Variants in ZNF205 observed in about 807,000 individuals in gnomAD.
The protein encoded by ZNF205 is transcriptional repressor RHIT.
ZNF205 carries 32 observed loss-of-function variants against 53.6 expected under a neutral mutation model. The ratio of observed to expected loss-of-function variants is 0.60; its 90% confidence interval spans 0.45 to 0.80. The LOEUF (loss-of-function observed/expected upper bound fraction) is 0.80, where lower values mean the gene tolerates loss of function less well. Among genes scored for constraint, ZNF205 ranks in the 30% least tolerant of loss-of-function variants. The pLI is 0.00. For missense variants in ZNF205, 836 were observed against 782.4 expected (o/e 1.07, Z -0.82); for synonymous variants, 382 against 334.3 (o/e 1.14, Z -1.56).
chr16:3,115,394 A>G lies in ZNF205; in HGVS notation c.97A>G (p.Lys33Glu). 1.2e-6 allele frequency: 2 copies of G among 1,607,922 alleles called. No homozygotes were observed. The highest frequency in any genetic ancestry group is 3.4e-5 in the Admixed American group (2 of 59,062). ...ACATCCTCATCAGGAAATGCCTTCT[A>G]AGCTGGGGGAGGCGGTACCTTCAGG... ...RGHPHQEMPS[K>E]LGEAVPSGDT... is the part of the protein sequence containing the mutation. The change falls in exon 3 of 7, where the codon AAG (lysine) becomes GAG (glutamate). Residue 33 changes from lysine (K) to glutamate (E), a missense_variant. Transcript: ENST00000219091.
At chr16:3,117,751 C>T (rs1310427546) in intron 5 of ZNF205, among the ~76,000 whole-genome samples, 1 of 152,018 alleles carries the variant, frequency 6.6e-6, no homozygotes, top group Non-Finnish European at 1.5e-5. Context: ...CTGTGCCCAG[C>T]CATCCCAGAG....
chr16:3,115,743 G>A, intron 3 of ZNF205, 86 bp from the exon 4 acceptor site: 2 of 1,460,652 alleles, frequency 1.4e-6, no homozygotes, highest in Non-Finnish European at 1.9e-6. Flanking sequence ...CTTGGGTCGG[G>A]CCAGGGGTGG....
At chr16:3,113,765 C>T (rs1392168586) in intron 2 of ZNF205, among the ~76,000 whole-genome samples, 1 of 152,186 alleles carries the variant, frequency 6.6e-6, no homozygotes, top group Non-Finnish European at 1.5e-5. Context: ...GCTCAGAGCA[C>T]ACAGGGAAAC....
chr16:3,114,066 A>G (rs1596296403), intron 2 of ZNF205, among the ~76,000 whole-genome samples: 2 of 152,088 alleles, frequency 1.3e-5, no homozygotes, highest in South Asian at 2.1e-4. Context: ...TCGCAGGGTC[A>G]CTGGGAGGCT....
intron 2 of ZNF205, chr16:3,114,892 T>A (rs1158214029): frequency 6.6e-6 from 1 of 152,548 alleles, no homozygotes; most frequent in African/African-American, 2.4e-5. Flanking sequence ...CCTATTCTTA[T>A]AAGGACATAA....
At chr16:3,113,628 G>A in intron 2 of ZNF205, 141 bp downstream of exon 2, 1 of 877,784 alleles carries the variant, frequency 1.1e-6, no homozygotes, top group South Asian at 1.8e-5. Flanking sequence ...ATGCTGGGTA[G>A]TACCCTCTGT....
At chr16:3,115,297 A>G in intron 2 of ZNF205, 58 bp from the exon 3 acceptor site, 1 of 1,376,362 alleles carries the variant, frequency 7.3e-7, no homozygotes, top group South Asian at 1.8e-5. Flanking sequence ...GCGCACTGCC[A>G]TGTGGCCCTG....
intron 1 of ZNF205, 45 bp from the exon 2 acceptor site, chr16:3,113,372 G>C (rs1216438242): frequency 1.9e-6 from 3 of 1,598,802 alleles, no homozygotes; most frequent in East Asian, 4.5e-5. Flanking sequence ...AGCTGGAGGG[G>C]GCTTGGCCAA....
Position 3,119,400 on chromosome 16 carries a change from C to A in ZNF205, c.740C>A (p.Pro247Gln). Residue 247 changes from proline (P) to glutamine (Q), a missense_variant, in exon 7 of 7, where the codon CCG becomes CAG. Coordinates refer to ENST00000219091, the MANE Select transcript of ZNF205 (RefSeq NM_001042428.2). ...QEAACGRSSGPAKDSGQPAEP... is the reference protein window; with the variant it reads ...QEAACGRSSGQAKDSGQPAEP... ...GCAGCCTGCGGCCGGAGCTCAGGGC[C>A]GGCCAAAGACTCCGGGCAGCCGGCT... 6.2e-7 allele frequency: 1 copy of A among 1,610,000 alleles called. No homozygotes were observed. Among genetic ancestry groups the A allele is most frequent in the Non-Finnish European group, 8.5e-7 (1 of 1,178,816 alleles).
chr16:3,113,593 G>C (rs1189184141), intron 2 of ZNF205, 106 bp downstream of exon 2: 15 of 1,271,800 alleles, frequency 1.2e-5, no homozygotes, highest in Non-Finnish European at 1.3e-5. Flanking sequence ...ACTCACTGGG[G>C]TGGGGAGATC....
Position 3,118,977 on chromosome 16 carries a change from A to C in ZNF205, c.557A>C (p.Gln186Pro). Residue 186 changes from glutamine to proline, a missense_variant, in exon 6 of 7, where the codon CAG becomes CCG. Coordinates refer to ENST00000219091, the MANE Select transcript of ZNF205 (RefSeq NM_001042428.2). ...GGTGAGGCCTCGGGCTCCAGCCGGC[A>C]GGCAGGAGATGAGAAGGAGTGGAGA... ...GKGEASGSSR[Q>P]AGDEKEWRGA... 2 of 1,613,654 alleles carry C rather than the reference A, an allele frequency of 1.2e-6. No individual in the cohort carries two copies. The highest frequency in any genetic ancestry group is 1.7e-6 in the Non-Finnish European group (2 of 1,179,960).
rs779733371 is a variant in ZNF205, at chr16:3,119,626, C to A, written c.966C>A (p.His322Gln). 6.2e-7 allele frequency: 1 copy of A among 1,611,618 alleles called. No homozygotes were observed. Among genetic ancestry groups the A allele is most frequent in the South Asian group, 1.1e-5 (1 of 90,976 alleles). Residue 322 changes from histidine (H) to glutamine (Q), a missense_variant, in exon 7 of 7, where the codon CAC becomes CAA. Transcript: ENST00000219091. ...QCGKGFSWHS[H>Q]LVTHRRTHTG... ...GCAAGGGCTTCAGCTGGCACTCGCA[C>A]CTGGTGACGCACCGGCGCACGCACA...
At chr16:3,116,035 G>A (rs1307076959) in intron 4 of ZNF205, 115 bp downstream of exon 4, 1 of 1,149,082 alleles carries the variant, frequency 8.7e-7, no homozygotes, top group Non-Finnish European at 1.3e-6. Flanking sequence ...GAAGCCTGGG[G>A]CTCTTGCTAG....
rs558086377 is a variant in ZNF205, at chr16:3,119,353, C to T, written c.693C>T (p.Gly231=). 4.3e-6 allele frequency: 7 copies of T among 1,612,642 alleles called. No homozygotes were observed. Among genetic ancestry groups the T allele is most frequent in the Middle Eastern group, 1.6e-4 (1 of 6,068 alleles). Residue 231 remains glycine (G), a synonymous_variant, in exon 7 of 7, where the codon GGC becomes GGT. Transcript: ENST00000219091. ...FRTRAGRVQW[G]VPQCAQEAAC... is the part of the protein sequence containing the mutation. ...CCAGGGCAGGGAGAGTCCAGTGGGG[C>T]GTCCCGCAGTGCGCGCAGGAAGCAG...
rs1212199528 is a variant in ZNF205 at position 3,120,171 on chromosome 16, A to G, written c.1511A>G (p.Tyr504Cys). ...HQRTHRGVRP[Y>C]ACPLCGKSFS... is the part of the protein sequence containing the mutation. Reference sequence around the variant, plus strand: ...CGCACCCACCGTGGCGTGCGGCCCTACGCCTGCCCGTTGTGCGGCAAGAGC... The same window carrying G: ...CGCACCCACCGTGGCGTGCGGCCCTGCGCCTGCCCGTTGTGCGGCAAGAGC... Residue 504 changes from tyrosine (Y) to cysteine (C), a missense_variant, in exon 7 of 7, where the codon TAC (tyrosine) becomes TGC (cysteine). Coordinates refer to ENST00000219091, the MANE Select transcript of ZNF205 (RefSeq NM_001042428.2). 3 of 1,606,846 alleles carry G rather than the reference A, an allele frequency of 1.9e-6. No homozygotes were observed. Among genetic ancestry groups the G allele is most frequent in the Non-Finnish European group, 2.6e-6 (3 of 1,175,568 alleles).
Position 3,113,526 on chromosome 16 carries a change from G to C in ZNF205, c.57+39G>C, listed in dbSNP as rs190379512. The C allele has an allele frequency of 1.9e-6, 3 of 1,609,250 alleles. No individual in the cohort carries two copies. The East Asian group carries it at 6.7e-5, about 36-fold the overall frequency. ...TGGCTGAGGGAGGTGTGCGGTAGAA[G>C]AGGCTGGTGCGGAGGAGATTTTCAA... On this transcript the variant is annotated intron_variant, in intron 2 of 6. Transcript: ENST00000219091.
chr16:3,119,221 C>G, intron 6 of ZNF205, 35 bp from the exon 7 acceptor site: 1 of 1,545,754 alleles, frequency 6.5e-7, no homozygotes, highest in South Asian at 1.2e-5. Context: ...CTTAGGGAAG[C>G]TCGTCCCTAG....
rs1274098520 is a variant in ZNF205 at position 3,113,477 on chromosome 16, C to T, written c.47C>T (p.Thr16Ile). 6 of 1,613,420 alleles carry T rather than the reference C, an allele frequency of 3.7e-6. No homozygotes were observed. The African/African-American group carries it at 6.7e-5, about 18-fold the overall frequency. The change falls in exon 2 of 7, where the codon ACA becomes ATA. Residue 16 changes from threonine (T) to isoleucine (I), a missense_variant. By Grantham distance (89) the Thr-to-Ile change is moderately conservative. Transcript: ENST00000219091. ...ATCCAGGACACCCAGGACAAGGAGA[C>T]ACCCCCGGAGGTACAGATGGGGCTG... ...GGIQDTQDKETPPEVPDRGHP... is the reference protein window; with the variant it reads ...GGIQDTQDKEIPPEVPDRGHP...
At chr16:3,116,996 G>C (rs113617926) in intron 5 of ZNF205, among the ~76,000 whole-genome samples, 43 of 152,162 alleles carry the variant, frequency 2.8e-4, no homozygotes, top group African/African-American at 9.9e-4. Context: ...GGGTTTCACC[G>C]TGTTAGCCAG....
Sources: allele counts gnomAD v4.1 joint callset (sites outside exome capture counted in the v4.1 genomes callset), GRCh38; gene constraint gnomAD v4.1.1; transcripts MANE v1.5; gene names NCBI Gene and HGNC (gene_info 2026-07-23, HGNC 2026-07-21).